PROX1: variants seen among roughly 807,000 people sequenced by gnomAD.
The protein encoded by PROX1 is prospero homeobox protein 1.
PROX1 carries 7 observed loss-of-function variants against 58.8 expected under a neutral mutation model. The observed-to-expected ratio is 0.12, with a 90% CI of 0.07 to 0.22. PROX1 has a LOEUF of 0.22. PROX1 is among the 10% of genes least tolerant of loss of function. The pLI is 1.00. For missense variants in PROX1, 675 were observed against 927.8 expected (o/e 0.73, Z 3.54); for synonymous variants, 350 against 358.3 (o/e 0.98, Z 0.26).
At chr1:214,013,346 G>C (rs957436402) in intron 4 of PROX1, among the ~76,000 whole-genome samples, 4 of 152,168 alleles carry the variant, frequency 2.6e-5, no homozygotes, top group African/African-American at 9.7e-5. Context: ...ATCTCATTAA[G>C]AGCATCTTTT....
intron 4 of PROX1, among the ~76,000 whole-genome samples, chr1:214,027,857 T>TAG (rs1664512296): frequency 8.1e-6 from 1 of 123,366 alleles, no homozygotes; most frequent in Non-Finnish European, 1.7e-5. Context: ...TTCGAAGCTT[T>TAG]ATATATATAT....
At chr1:213,993,865 C>T (rs941151038) in intron 1 of PROX1, among the ~76,000 whole-genome samples, 2 of 152,018 alleles carry the variant, frequency 1.3e-5, no homozygotes, top group Non-Finnish European at 2.9e-5. Context: ...ATTCTTTTAG[C>T]CCAAGACAGA....
chr1:214,013,922 G>A (rs1245794050), intron 4 of PROX1, among the ~76,000 whole-genome samples: 1 of 152,140 alleles, frequency 6.6e-6, no homozygotes, highest in Non-Finnish European at 1.5e-5. Flanking sequence ...AAGAAGGGAA[G>A]AAAGCAGGAC....
chr1:214,034,854 C>G (rs1160960106), intron 4 of PROX1, among the ~76,000 whole-genome samples: 2 of 152,072 alleles, frequency 1.3e-5, no homozygotes, highest in African/African-American at 4.8e-5. Flanking sequence ...TAATAACACC[C>G]CTTAGAGAGA....
At chr1:213,995,174 A>G (rs1663214024) in intron 1 of PROX1, among the ~76,000 whole-genome samples, 1 of 148,790 alleles carries the variant, frequency 6.7e-6, no homozygotes, top group Non-Finnish European at 1.5e-5. Flanking sequence ...GAAGTTTAAT[A>G]TTAGATAAAC....
chr1:214,010,649 A>G (rs1187267749), intron 3 of PROX1, among the ~76,000 whole-genome samples: 5 of 152,200 alleles, frequency 3.3e-5, no homozygotes, highest in East Asian at 1.9e-4. Context: ...GTCAATAAGG[A>G]TGGTATCATT....
intron 4 of PROX1, among the ~76,000 whole-genome samples, chr1:214,025,649 A>G (rs541603301): frequency 6.6e-6 from 1 of 150,984 alleles, no homozygotes; most frequent in African/African-American, 2.4e-5. Flanking sequence ...TGAAGTTCCA[A>G]AATTCTGTGA....
chr1:213,994,149 G>A (rs1423063408), intron 1 of PROX1, among the ~76,000 whole-genome samples: 1 of 152,194 alleles, frequency 6.6e-6, no homozygotes, highest in Non-Finnish European at 1.5e-5. Context: ...GTGCTCATCA[G>A]CGACACCAGT....
rs1167187840 is a variant in PROX1 at position 214,039,999 on chromosome 1, C to A, written c.*4165C>A. 6.6e-6 allele frequency: 1 copy of A among 152,192 alleles called. No individual in the cohort carries two copies. The highest frequency in any genetic ancestry group is 1.5e-5 in the Non-Finnish European group (1 of 68,026). 9.4% of individuals were successfully genotyped at this position (152,192 alleles called of 1,614,324 possible). On this transcript the variant is annotated 3_prime_UTR_variant, in exon 5 of 5. Transcript: ENST00000366958. ...AATCTCTTTGCCATGTATATTATAG[C>A]GTATTCATTGGTGTGAATAGTACAA... is the stretch of plus-strand genomic sequence containing the variant.
intron 2 of PROX1, 22 bp downstream of exon 2, chr1:213,998,282 G>A (rs200449347): frequency 1.1e-5 from 16 of 1,516,918 alleles, no homozygotes; most frequent in South Asian, 1.3e-5. Context: ...TTTTCCCCTC[G>A]AGGAAAAAAC....
chr1:214,005,042 C>A (rs1663657200), intron 2 of PROX1, 123 bp from the exon 3 acceptor site: 3 of 702,964 alleles, frequency 4.3e-6, no homozygotes, highest in Non-Finnish European at 7.3e-6. Flanking sequence ...GTGTCATATA[C>A]CTTCCAGCAC....
rs763884663 is a variant in PROX1, at chr1:214,035,961, C to T, written c.*127C>T. ...AGGCATGGATATGTTATGAAATCAGCTGGTAATTCCTCCTCATCACGTTTC... is the reference window on the plus strand; with the variant it reads ...AGGCATGGATATGTTATGAAATCAGTTGGTAATTCCTCCTCATCACGTTTC... On this transcript the variant is annotated 3_prime_UTR_variant, in exon 5 of 5. Coordinates refer to ENST00000366958, the MANE Select transcript of PROX1 (RefSeq NM_001270616.2). 7.1e-6 allele frequency: 5 copies of T among 708,566 alleles called. No individual in the cohort carries two copies. The highest frequency in any genetic ancestry group is 1.0e-5 in the Non-Finnish European group (5 of 480,906). 43.9% of individuals were successfully genotyped at this position (708,566 alleles called of 1,614,324 possible). A position where few individuals can be genotyped will look rare whatever the true frequency, so the allele number is the denominator to read the frequency against.
chr1:214,013,151 G>C (rs1225693639), intron 4 of PROX1, among the ~76,000 whole-genome samples: 2 of 151,986 alleles, frequency 1.3e-5, no homozygotes, highest in African/African-American at 4.8e-5. Flanking sequence ...GTGTGTGTGT[G>C]TGTGTGTGTG....
rs753549996 is a variant in PROX1, at chr1:213,996,762, G to C, written c.227G>C (p.Arg76Thr). 1.2e-6 allele frequency: 2 copies of C among 1,614,210 alleles called. No homozygotes were observed. The highest frequency in any genetic ancestry group is 4.5e-5 in the East Asian group (2 of 44,886). The change falls in exon 2 of 5, where the codon AGG becomes ACG. Residue 76 changes from arginine to threonine, a missense_variant. By Grantham distance (71) the Arg-to-Thr change is moderately conservative. Coordinates refer to ENST00000366958, the MANE Select transcript of PROX1 (RefSeq NM_001270616.2). ...KSNVLRKLLK[R>T]ANSYEDAMMP... Reference sequence around the variant, plus strand: ...AATGTACTCCGCAAGCTGCTGAAGAGGGCGAACTCGTATGAAGATGCCATG... The same window carrying C: ...AATGTACTCCGCAAGCTGCTGAAGACGGCGAACTCGTATGAAGATGCCATG...
At chr1:213,991,413 C>T (rs1039474991) in intron 1 of PROX1, among the ~76,000 whole-genome samples, 4 of 152,090 alleles carry the variant, frequency 2.6e-5, no homozygotes, top group African/African-American at 9.7e-5. Context: ...ATTAACGTCC[C>T]CCCACCTCCC....
At chr1:214,004,982 C>T (rs753745945) in intron 2 of PROX1, among the ~76,000 whole-genome samples, 183 bp from the exon 3 acceptor site, 4 of 152,180 alleles carry the variant, frequency 2.6e-5, no homozygotes, top group African/African-American at 7.2e-5. Context: ...CTCTGACAGG[C>T]GACGGTCACT....
At chr1:213,995,161 C>A (rs911622746) in intron 1 of PROX1, among the ~76,000 whole-genome samples, 50 of 151,620 alleles carry the variant, frequency 3.3e-4, no homozygotes, top group African/African-American at 1.1e-3. Context: ...GTTAAGCAAA[C>A]GTGAAGTTTA....
chr1:213,999,513 T>A (rs564463173), intron 2 of PROX1, among the ~76,000 whole-genome samples: 1 of 152,002 alleles, frequency 6.6e-6, no homozygotes, highest in East Asian at 1.9e-4. Flanking sequence ...TTAGTGGAGG[T>A]CGTACTTCAA....
At chr1:214,028,954 A>G (rs903583935) in intron 4 of PROX1, 2 of 152,198 alleles carry the variant, frequency 1.3e-5, no homozygotes, top group Admixed American at 1.3e-4. Flanking sequence ...GCAATAACGT[A>G]TCTGTTCTTG....
Sources: allele counts gnomAD v4.1 joint callset (sites outside exome capture counted in the v4.1 genomes callset), GRCh38; gene constraint gnomAD v4.1.1; transcripts MANE v1.5; gene names NCBI Gene and HGNC (gene_info 2026-07-23, HGNC 2026-07-21).